The following TUSC3 variants were observed in gnomAD, a reference collection of about 807,000 sequenced individuals.
TUSC3 encodes the protein tumor suppressor candidate 3.
A neutral mutation model predicts 44.8 loss-of-function variants in TUSC3; 45 were observed. The ratio of observed to expected loss-of-function variants is 1.00; its 90% CI spans 0.79 to 1.29. TUSC3 has a LOEUF of 1.29. Among genes scored for constraint, TUSC3 ranks in the 50% most tolerant of loss-of-function variants. TUSC3 has a pLI of 0.00. For missense variants in TUSC3, 519 were observed against 437.9 expected (o/e 1.19, Z -1.65); for synonymous variants, 212 against 152.9 (o/e 1.39, Z -2.85).
At chr8:15,832,151 A>C in the TUSC3 span, among the ~76,000 whole-genome samples, 1 of 152,324 alleles carries the variant, frequency 6.6e-6, no homozygotes, top group Middle Eastern at 3.4e-3. Context: ...AACATTCTTA[A>C]ATAAAAGAAA....
intron 9 of TUSC3, among the ~76,000 whole-genome samples, chr8:15,755,037 C>T (rs1040785357): frequency 2.0e-5 from 3 of 151,930 alleles, no homozygotes; most frequent in African/African-American, 7.3e-5. Context: ...AATATTTATC[C>T]TATAGTCTTA....
intron 5 of TUSC3, among the ~76,000 whole-genome samples, chr8:15,667,490 A>G (rs564302863): frequency 1.1e-4 from 17 of 151,794 alleles, no homozygotes; most frequent in Middle Eastern, 3.4e-3. Context: ...ATGTCATTAA[A>G]TTACTTATAA....
chr8:15,777,385 T>A, the TUSC3 span, among the ~76,000 whole-genome samples: 3 of 152,164 alleles, frequency 2.0e-5, no homozygotes, highest in Non-Finnish European at 4.4e-5. Flanking sequence ...CAGTTTGTGT[T>A]ACCTATAAAG....
chr8:15,599,189 A>G (rs1804181905), intron 1 of TUSC3, among the ~76,000 whole-genome samples: 1 of 151,830 alleles, frequency 6.6e-6, no homozygotes, highest in Admixed American at 6.6e-5. Context: ...TGTAATGTGG[A>G]GGATCTTTTT....
intron 2 of TUSC3, among the ~76,000 whole-genome samples, chr8:15,489,661 T>A (rs1800779546): frequency 6.6e-6 from 1 of 152,222 alleles, no homozygotes; most frequent in Middle Eastern, 3.2e-3. Context: ...GGTATCTCAC[T>A]GCCACAAAGA....
At chr8:15,556,153 C>G (rs866680952) in intron 1 of TUSC3, among the ~76,000 whole-genome samples, 1,150 of 106,330 alleles carry the variant, frequency 0.011, 14 homozygotes, top group African/African-American at 0.037. Flanking sequence ...CTATCCCTCC[C>G]CCCTCCCCCC....
At chr8:15,553,201 G>C (rs958400897) in intron 1 of TUSC3, among the ~76,000 whole-genome samples, 2 of 151,654 alleles carry the variant, frequency 1.3e-5, no homozygotes, top group Non-Finnish European at 2.9e-5. Context: ...ATGAAGCTTC[G>C]ATCTGGGCTG....
chr8:15,758,449 A>C (rs1334576170), intron 10 of TUSC3, among the ~76,000 whole-genome samples: 5 of 151,804 alleles, frequency 3.3e-5, no homozygotes, highest in Admixed American at 2.0e-4. Flanking sequence ...TTTTGCAGAA[A>C]ATTCACAATC....
At chr8:15,806,857 A>G in the TUSC3 span, 1 of 1,059,420 alleles carries the variant, frequency 9.4e-7, no homozygotes, top group African/African-American at 1.5e-5. Flanking sequence ...GAGTCTTCAT[A>G]GTTAATGAAA....
chr8:15,625,551 G>A (rs529050208), intron 2 of TUSC3, among the ~76,000 whole-genome samples: 1 of 152,252 alleles, frequency 6.6e-6, no homozygotes, highest in Admixed American at 6.5e-5. Context: ...ATATCTTCTT[G>A]GCTGAACACA....
intron 9 of TUSC3, among the ~76,000 whole-genome samples, chr8:15,750,431 G>T (rs919590160): frequency 6.6e-6 from 1 of 151,930 alleles, no homozygotes; most frequent in Non-Finnish European, 1.5e-5. Context: ...AGGAAAAGTG[G>T]AGAAAAAAAT....
chr8:15,581,354 C>A (rs367613094), intron 1 of TUSC3, among the ~76,000 whole-genome samples: 1 of 145,982 alleles, frequency 6.9e-6, no homozygotes, highest in Admixed American at 6.8e-5. Flanking sequence ...TGTTCCGTTG[C>A]TGGTGAGGAA....
chr8:15,431,065 G>A (rs767973376), intron 1 of TUSC3, among the ~76,000 whole-genome samples: 12 of 151,638 alleles, frequency 7.9e-5, no homozygotes, highest in East Asian at 1.9e-4. Flanking sequence ...TGCCAGAACC[G>A]TATTGTTTTA....
rs116892741 is a variant in TUSC3 at position 15,681,335 on chromosome 8, T to A, written c.798+7499T>A. On this transcript the variant is annotated intron_variant, in intron 6 of 10. Transcript: ENST00000503731. ...TTTTGGTTAGTAGGTTTTTTATTAC[T>A]GATTCAATTTCAGAAGTCAGTATTT... is the stretch of plus-strand genomic sequence containing the variant. Among the ~76,000 whole-genome samples, 1,480 of 152,042 alleles carry A rather than the reference T, an allele frequency of 9.7e-3. 9 individuals are homozygous for A. The highest frequency in any genetic ancestry group is 0.026 in the South Asian group (124 of 4,822).
chr8:15,430,203 G>C lies in TUSC3; in HGVS notation n.91+12898G>C, dbSNP rs557697445. 8.9e-5 allele frequency among the ~76,000 whole-genome samples: 13 copies of C among 145,908 alleles called. 1 individual carries two copies. The highest frequency in any genetic ancestry group is 3.6e-3 in the Middle Eastern group (1 of 276). On this transcript the variant is annotated intron_variant and non_coding_transcript_variant, in intron 1 of 5. Transcript: ENST00000503191. Reference sequence around the variant, plus strand: ...AAGAGAATTTTAGACCAATACCCTTGATGAACATTGATGCAAAAATCCTCA... The same window carrying C: ...AAGAGAATTTTAGACCAATACCCTTCATGAACATTGATGCAAAAATCCTCA...
the TUSC3 span, among the ~76,000 whole-genome samples, chr8:15,814,980 G>T: frequency 6.6e-6 from 1 of 151,898 alleles, no homozygotes; most frequent in Non-Finnish European, 1.5e-5. Flanking sequence ...TAGTTGATAG[G>T]AAAATACAAC....
At chr8:15,744,887 G>A (rs191252050) in intron 8 of TUSC3, among the ~76,000 whole-genome samples, 1 of 152,010 alleles carries the variant, frequency 6.6e-6, no homozygotes, top group Admixed American at 6.6e-5. Flanking sequence ...TTTAGGTAAG[G>A]ATCTCATCAC....
intron 1 of TUSC3, among the ~76,000 whole-genome samples, chr8:15,567,993 AC>A (rs1802738846): frequency 6.7e-6 from 1 of 149,780 alleles, no homozygotes; most frequent in South Asian, 2.1e-4. Context: ...CATGTTAACA[AC>A]CCCCTTTTCT....
intron 6 of TUSC3, among the ~76,000 whole-genome samples, chr8:15,728,077 C>G (rs1399032344): frequency 6.6e-6 from 1 of 152,114 alleles, no homozygotes; most frequent in Non-Finnish European, 1.5e-5. Flanking sequence ...TTTAACCTGG[C>G]TGCATTTTTA....
Sources: allele counts gnomAD v4.1 joint callset (sites outside exome capture counted in the v4.1 genomes callset), GRCh38; gene constraint gnomAD v4.1.1; transcripts MANE v1.5; gene names NCBI Gene and HGNC (gene_info 2026-07-23, HGNC 2026-07-21).